GREP1: variants seen among roughly 807,000 people sequenced by gnomAD.
GREP1 encodes the protein glycine rich extracellular protein 1.
At position 2,991,214 on chromosome 16, in the gene GREP1, G is replaced by A. The variant is rs371562088; in HGVS notation, c.322+113G>A. 3 of 398,228 alleles carry A rather than the reference G, an allele frequency of 7.5e-6. No homozygotes were observed. 24.7% of individuals were successfully genotyped at this position (398,228 alleles called of 1,614,324 possible). Reference sequence around the variant, plus strand: ...GAGCTGGGCTCTGGAGGGAGGGCAGGGCTCAGCCACTCTGTCCCTTCCCAG... The same window carrying A: ...GAGCTGGGCTCTGGAGGGAGGGCAGAGCTCAGCCACTCTGTCCCTTCCCAG... On this transcript the variant is annotated intron_variant, in intron 8 of 34. Coordinates refer to ENST00000573315, the Ensembl canonical transcript of GREP1. This position sits in a 1 kb window ranked among gnomAD's most constrained non-coding sequence, Gnocchi z 4.9.
At chr16:2,995,233 A>G in intron 13 of GREP1, 51 bp from the exon 15 acceptor site, 1 of 398,236 alleles carries the variant, frequency 2.5e-6, no homozygotes, top group Non-Finnish European at 4.4e-6. Flanking sequence ...TCTGGGGTGG[A>G]TCTGAGTTGG....
chr16:2,998,027 C>G (rs1347111103), intron 23 of GREP1, among the ~76,000 whole-genome samples, 192 bp downstream of exon 21: 2 of 149,338 alleles, frequency 1.3e-5, no homozygotes, highest in African/African-American at 2.5e-5. Context: ...GGAGGACAGG[C>G]TCCAACGGAC....
At chr16:2,990,169 C>T (rs1304856218) in intron 5 of GREP1, 47 bp downstream of exon 5, 12 of 397,710 alleles carry the variant, frequency 3.0e-5, no homozygotes, top group Non-Finnish European at 4.9e-5. Flanking sequence ...AGGCCTCAGA[C>T]GGAAGAGGCA....
rs149979550 is a variant in GREP1 at position 2,995,697 on chromosome 16, G to T, written c.590-42G>T. 1,370 of 398,658 alleles carry T rather than the reference G, an allele frequency of 3.4e-3. 11 individuals carry two copies. The highest frequency in any genetic ancestry group is 0.026 in the African/African-American group (1,254 of 48,702). The allele number at this position is 398,658 out of a possible 1,614,324, so 24.7% of individuals were successfully genotyped here. A position where few individuals can be genotyped will look rare whatever the true frequency, so the allele number is the denominator to read the frequency against. ...GAGGGGCTGGGGGAGAATGTGGGTG[G>T]GGCCCCTGAGTCACTCACCAGCCCC... On this transcript the variant is annotated intron_variant, in intron 16 of 34. Transcript: ENST00000573315.
Position 2,990,589 on chromosome 16 carries a change from T to A in GREP1, c.268+2T>A, listed in dbSNP as rs2072393596. 5.0e-6 allele frequency: 2 copies of A among 399,034 alleles called. No homozygotes were observed. Among genetic ancestry groups the A allele is most frequent in the Admixed American group, 4.4e-5 (1 of 22,694 alleles). The allele number at this position is 399,034 out of a possible 1,614,324, so 24.7% of individuals were successfully genotyped here. A position where few individuals can be genotyped will look rare whatever the true frequency, so the allele number is the denominator to read the frequency against. ...TCGCAGGTGCTGCAGCCCAGCCAGG[T>A]GAGGCTGGGGGAAGCGGGTAAGGAA... On this transcript the variant is annotated splice_donor_variant, in intron 7 of 34. Coordinates refer to ENST00000573315, the Ensembl canonical transcript of GREP1. LOFTEE classifies it high-confidence loss of function.
At chr16:3,000,394 C>T (rs565943599) in intron 30 of GREP1, 44 of 399,032 alleles carry the variant, frequency 1.1e-4, no homozygotes, top group African/African-American at 1.9e-4. Flanking sequence ...GAGTTGGGCT[C>T]AGGGCCCCAG....
In GREP1 at chr16:3,000,778, G is replaced by A. The variant is rs972584829; in HGVS notation, c.1482G>A (p.Lys494=). 21 of 398,970 alleles carry A rather than the reference G, an allele frequency of 5.3e-5. No homozygotes were observed. In the East Asian group the frequency reaches 7.5e-4, roughly 14 times the overall value. The allele number at this position is 398,970 out of a possible 1,614,324, so 24.7% of individuals were successfully genotyped here. Residue 494 remains lysine (K), a synonymous_variant, in exon 33 of 35, where the codon AAG becomes AAA. Transcript: ENST00000573315. ...TCCAGGCCTGGGGGGCCGGCTTGAAGCCTGGATATCAGGCTGGAGATGAAT... is the reference window on the plus strand; with the variant it reads ...TCCAGGCCTGGGGGGCCGGCTTGAAACCTGGATATCAGGCTGGAGATGAAT...
chr16:2,996,840 C>T (rs764857639), intron 20 of GREP1, 135 bp downstream of exon 19: 212 of 398,984 alleles, frequency 5.3e-4, no homozygotes, highest in Non-Finnish European at 7.8e-4. Flanking sequence ...CACCGAGGAC[C>T]GAGGGGAGAG....
intron 26 of GREP1, 57 bp downstream of exon 24, chr16:2,999,036 G>A (rs762234863): frequency 7.5e-6 from 3 of 398,986 alleles, no homozygotes; most frequent in African/African-American, 6.2e-5. Context: ...CCCTATGAGG[G>A]TCAGGGCCTG....
intron 31 of GREP1, 192 bp from the exon 27 acceptor site, chr16:3,000,522 G>C: frequency 2.5e-6 from 1 of 399,202 alleles, no homozygotes; most frequent in East Asian, 3.6e-5. Context: ...ACAGCCCAGG[G>C]GCTAGGCGGG....
At chr16:2,997,546 G>A (rs1261175039) in intron 22 of GREP1, 4 of 398,170 alleles carry the variant, frequency 1.0e-5, no homozygotes, top group Non-Finnish European at 1.3e-5. Context: ...AGAGTCTGGA[G>A]AGGAGGCGGC....
At chr16:2,988,965 G>C (rs1008180292) in intron 2 of GREP1, 1 of 317,326 alleles carries the variant, frequency 3.2e-6, no homozygotes, top group Non-Finnish European at 5.7e-6. Context: ...AGCCTGCTGA[G>C]GGGCAGGAGG....
In GREP1 at chr16:2,997,095, GC is replaced by G; in HGVS notation, c.886+14del. 1 of 398,886 alleles carries G rather than the reference GC, an allele frequency of 2.5e-6. No homozygotes were observed. Among genetic ancestry groups the G allele is most frequent in the Non-Finnish European group, 4.4e-6 (1 of 226,048 alleles). 24.7% of individuals were successfully genotyped at this position (398,886 alleles called of 1,614,324 possible). On this transcript the variant is annotated intron_variant, in intron 21 of 34. Transcript: ENST00000573315. ...AAGGCCCAGAAGCCAGGTGAGCCCTGCCCCGCCTGTCCCTCTGCCTCCCCCA... is the reference window on the plus strand; with the variant it reads ...AAGGCCCAGAAGCCAGGTGAGCCCTGCCCGCCTGTCCCTCTGCCTCCCCCA...
At chr16:3,000,686 G>A (rs1381125916) in intron 32 of GREP1, 28 bp from the exon 27 acceptor site, 1 of 398,796 alleles carries the variant, frequency 2.5e-6, no homozygotes, top group Admixed American at 4.4e-5. Context: ...GTGGGCAAGG[G>A]TACCCCTGCC....
At chr16:2,997,267 G>A in intron 21 of GREP1, 182 bp downstream of exon 20, 1 of 398,768 alleles carries the variant, frequency 2.5e-6, no homozygotes, top group East Asian at 3.6e-5. Context: ...ACCAAAATGA[G>A]GGAGGAGAGG....
Position 2,994,965 on chromosome 16 carries a change from G to T in GREP1, c.484+3G>T. 1 of 399,250 alleles carries T rather than the reference G, an allele frequency of 2.5e-6. No homozygotes were observed. 24.7% of individuals were successfully genotyped at this position (399,250 alleles called of 1,614,324 possible). On this transcript the variant is annotated splice_donor_region_variant and intron_variant, in intron 13 of 34. Coordinates refer to ENST00000573315, the Ensembl canonical transcript of GREP1. Reference sequence around the variant, plus strand: ...AATTGGGCTGGGAGCCCAGCCAGGTGAAGGGGGTACAGTCTGGGGTTCCAG... The same window carrying T: ...AATTGGGCTGGGAGCCCAGCCAGGTTAAGGGGGTACAGTCTGGGGTTCCAG...
rs1176431735 is a variant in GREP1, at chr16:2,998,335, CCT to C, written c.950-18_950-17del. 1 of 399,138 alleles carries C rather than the reference CCT, an allele frequency of 2.5e-6. No homozygotes were observed. The highest frequency in any genetic ancestry group is 2.1e-5 in the African/African-American group (1 of 48,604). 24.7% of individuals were successfully genotyped at this position (399,138 alleles called of 1,614,324 possible). ...TCGGGTGGGCTGATGTCTGAACTGGCCTCTTTCTGTCTCTCCCCAGGCCTGCG... is the reference window on the plus strand; with the variant it reads ...TCGGGTGGGCTGATGTCTGAACTGGCCTTTCTGTCTCTCCCCAGGCCTGCG... On this transcript the variant is annotated intron_variant, in intron 23 of 34. Coordinates refer to ENST00000573315, the Ensembl canonical transcript of GREP1.
At chr16:2,990,677 T>C (rs540043125) in intron 7 of GREP1, 90 bp downstream of exon 6, 11 of 397,988 alleles carry the variant, frequency 2.8e-5, no homozygotes, top group Non-Finnish European at 4.9e-5. Context: ...TGCAGCCAGA[T>C]CGGTGTTTCC....
chr16:2,991,037 T>C lies in GREP1; in HGVS notation c.269-11T>C, dbSNP rs2072396533. ...CCCCCTCCTCATGTCCCTCTGGCTC[T>C]GTCTCCCCAGGATATGGAAACGGGC... On this transcript the variant is annotated splice_polypyrimidine_tract_variant and intron_variant, in intron 7 of 34. Transcript: ENST00000573315. The surrounding 1 kb of genome is among the most constrained non-coding windows in gnomAD (Gnocchi z 4.9). 1 of 399,260 alleles carries C rather than the reference T, an allele frequency of 2.5e-6. No individual in the cohort carries two copies. The highest frequency in any genetic ancestry group is 3.6e-5 in the East Asian group (1 of 28,066). 24.7% of individuals were successfully genotyped at this position (399,260 alleles called of 1,614,324 possible).
Sources: gnomAD v4.1 joint callset for allele counts (sites outside exome capture counted in the v4.1 genomes callset) on GRCh38, gnomAD v4.1.1 for gene constraint, Gnocchi (gnomAD v3.1) non-coding constraint, MANE v1.5 for transcripts, NCBI Gene and HGNC (gene_info 2026-07-23, HGNC 2026-07-21) for gene names.